Variants in GALNT13 observed in about 807,000 individuals in gnomAD.
GALNT13 encodes polypeptide N-acetylgalactosaminyltransferase 13.
A neutral mutation model predicts 64.2 loss-of-function variants in GALNT13; 28 were observed. That is an observed-to-expected ratio of 0.44 (90% CI 0.32 to 0.60). The LOEUF is 0.60. GALNT13 is among the 20% of genes least tolerant of loss of function. The pLI is 0.05. For missense variants in GALNT13, 577 were observed against 669.8 expected (o/e 0.86, Z 1.53); for synonymous variants, 214 against 224.6 (o/e 0.95, Z 0.42).
At chr2:153,289,839 A>G in the GALNT13 span, among the ~76,000 whole-genome samples, 1 of 152,172 alleles carries the variant, frequency 6.6e-6, no homozygotes, top group Non-Finnish European at 1.5e-5. Context: ...CACAAAAAGA[A>G]ATGGTAAAAT....
At chr2:153,510,016 T>G in the GALNT13 span, among the ~76,000 whole-genome samples, 1 of 152,224 alleles carries the variant, frequency 6.6e-6, no homozygotes, top group East Asian at 1.9e-4. Flanking sequence ...AATATTTTGG[T>G]AGCAATACCA....
the GALNT13 span, among the ~76,000 whole-genome samples, chr2:153,434,292 A>C: frequency 6.6e-5 from 10 of 152,232 alleles, no homozygotes; most frequent in African/African-American, 2.4e-4. Context: ...ATAAACATAC[A>C]TGTGCATGTG....
chr2:154,434,792 A>G (rs1700872954), intron 11 of GALNT13, among the ~76,000 whole-genome samples: 1 of 152,190 alleles, frequency 6.6e-6, no homozygotes, highest in Admixed American at 6.5e-5. Context: ...TACTAAATCC[A>G]TAGGATTCAT....
chr2:153,348,823 C>T, the GALNT13 span, among the ~76,000 whole-genome samples: 267 of 152,206 alleles, frequency 1.8e-3, 1 homozygote, highest in African/African-American at 4.4e-3. Context: ...AATTGTTGCC[C>T]GGTCCCCAGC....
At chr2:153,478,318 TTGA>T in the GALNT13 span, 31 of 1,614,016 alleles carry the variant, frequency 1.9e-5, no homozygotes, top group Non-Finnish European at 2.4e-5. Flanking sequence ...GCCCTCGGAC[TTGA>T]TGAGCAGATT....
the GALNT13 span, among the ~76,000 whole-genome samples, chr2:153,206,433 ATATAT>A: frequency 6.6e-6 from 1 of 151,992 alleles, no homozygotes; most frequent in African/African-American, 2.4e-5. Flanking sequence ...AATTTTGTGG[ATATAT>A]TATAATTGTA....
rs76828342 is a variant in GALNT13, at chr2:154,437,282, C to T, written c.1396-1310C>T. 6.6e-3 allele frequency: 1,171 copies of T among 177,384 alleles called. 10 individuals are homozygous for T. Among genetic ancestry groups the T allele is most frequent in the South Asian group, 0.036 (367 of 10,310 alleles). 11.0% of individuals were successfully genotyped at this position (177,384 alleles called of 1,614,324 possible). Reference sequence around the variant, plus strand: ...CATTGATTTTGCCGCTTCCTCTCACCACTTCTTGTGGTTTTCATAGAAGTT... The same window carrying T: ...CATTGATTTTGCCGCTTCCTCTCACTACTTCTTGTGGTTTTCATAGAAGTT... On this transcript the variant is annotated intron_variant, in intron 11 of 12. Coordinates refer to ENST00000392825, the MANE Select transcript of GALNT13 (RefSeq NM_052917.4).
the GALNT13 span, among the ~76,000 whole-genome samples, chr2:153,569,498 C>T: frequency 1.4e-5 from 2 of 145,984 alleles, no homozygotes; most frequent in Admixed American, 1.4e-4. Context: ...CTCCAACTAT[C>T]TGGGTTTCCT....
At chr2:154,416,818 T>A (rs1403507973) in intron 11 of GALNT13, among the ~76,000 whole-genome samples, 1 of 152,184 alleles carries the variant, frequency 6.6e-6, no homozygotes, top group East Asian at 1.9e-4. Flanking sequence ...CATGCTACTC[T>A]GTTCAGTCTT....
At chr2:153,949,955 TGG>T (rs928846230) in intron 3 of GALNT13, among the ~76,000 whole-genome samples, 7 of 152,030 alleles carry the variant, frequency 4.6e-5, no homozygotes, top group African/African-American at 1.7e-4. Context: ...TCATGAAGTT[TGG>T]ATTTAGGACT....
chr2:154,371,599 A>AGGAG (rs1188278616), intron 9 of GALNT13, among the ~76,000 whole-genome samples: 1 of 152,044 alleles, frequency 6.6e-6, no homozygotes, highest in Non-Finnish European at 1.5e-5. Flanking sequence ...AAATTTCTTG[A>AGGAG]GGAGGGCAGA....
intron 9 of GALNT13, among the ~76,000 whole-genome samples, chr2:154,390,701 AT>A (rs1183303326): frequency 1.2e-4 from 18 of 152,124 alleles, no homozygotes; most frequent in Admixed American, 1.2e-3. Flanking sequence ...AAATTTTATC[AT>A]TTACCTATTA....
At chr2:153,299,919 A>T in the GALNT13 span, among the ~76,000 whole-genome samples, 1 of 152,160 alleles carries the variant, frequency 6.6e-6, no homozygotes, top group Non-Finnish European at 1.5e-5. Context: ...CAAGATTTGC[A>T]TTGCCTTATC....
chr2:154,051,611 T>G (rs1271546513), intron 3 of GALNT13, among the ~76,000 whole-genome samples: 3 of 152,144 alleles, frequency 2.0e-5, no homozygotes, highest in Admixed American at 6.5e-5. Flanking sequence ...TCTTGAAGTT[T>G]AAGCTATTTA....
chr2:153,742,940 G>A, the GALNT13 span, among the ~76,000 whole-genome samples: 1 of 146,444 alleles, frequency 6.8e-6, no homozygotes, highest in African/African-American at 2.5e-5. Flanking sequence ...AAGGAAAGGG[G>A]AGGGGAGGTG....
At chr2:153,685,266 A>G in the GALNT13 span, among the ~76,000 whole-genome samples, 1 of 151,844 alleles carries the variant, frequency 6.6e-6, no homozygotes, top group South Asian at 2.1e-4. Flanking sequence ...TTACATTCCC[A>G]CCAACAGTAT....
the GALNT13 span, among the ~76,000 whole-genome samples, chr2:153,843,197 AG>A: frequency 6.6e-6 from 1 of 152,240 alleles, no homozygotes; most frequent in Non-Finnish European, 1.5e-5. Context: ...ATGAGTCTGC[AG>A]GCTTTACAGG....
At chr2:153,310,195 A>C in the GALNT13 span, among the ~76,000 whole-genome samples, 8 of 152,214 alleles carry the variant, frequency 5.3e-5, no homozygotes, top group Admixed American at 3.9e-4. Context: ...GAGAAAAGTT[A>C]GTTTAAAAAA....
the GALNT13 span, among the ~76,000 whole-genome samples, chr2:153,096,558 G>T: frequency 6.6e-6 from 1 of 152,066 alleles, no homozygotes. Flanking sequence ...AGTGTTGGTT[G>T]TATATTTAAA....
Sources: gnomAD v4.1 joint callset for allele counts (sites outside exome capture counted in the v4.1 genomes callset) on GRCh38, gnomAD v4.1.1 for gene constraint, MANE v1.5 for transcripts, NCBI Gene and HGNC (gene_info 2026-07-23, HGNC 2026-07-21) for gene names.